The following NECAB2 variants were observed in gnomAD, a reference collection of about 807,000 sequenced individuals.
NECAB2 encodes the protein N-terminal EF-hand calcium binding protein 2, also known as N-terminal EF-hand calcium-binding protein 2.
In NECAB2, 68 loss-of-function variants were observed where a neutral mutation model predicts 51.9. The ratio of observed to expected loss-of-function variants is 1.31; its 90% confidence interval spans 1.08 to 1.60. The LOEUF is 1.60. Ranked by LOEUF, NECAB2 falls within the 40% of genes most tolerant of loss-of-function variation. The probability of loss-of-function intolerance (pLI) is 0.00; values close to 1 mark genes in which losing one functional copy is unlikely to be tolerated. For synonymous variants in NECAB2, 329 were observed against 203.5 expected (o/e 1.62, Z -5.25); for missense variants, 854 against 490.3 (o/e 1.74, Z -7.00).
chr16:83,991,084 G>A (rs908513473), intron 6 of NECAB2, among the ~76,000 whole-genome samples: 11 of 151,994 alleles, frequency 7.2e-5, no homozygotes, highest in Non-Finnish European at 1.5e-4. Context: ...CTGGGTTCAA[G>A]CAATTCTCAT....
At chr16:83,976,930 A>G (rs2084418046) in intron 2 of NECAB2, among the ~76,000 whole-genome samples, 1 of 152,200 alleles carries the variant, frequency 6.6e-6, no homozygotes, top group Non-Finnish European at 1.5e-5. Context: ...AAAGTTTAAG[A>G]ATGACTCATT....
rs760728542 is a variant in NECAB2 at position 83,990,634 on chromosome 16, A to C, written c.596+4A>C. 7 of 1,613,818 alleles carry C rather than the reference A, an allele frequency of 4.3e-6. No homozygotes were observed. The African/African-American group carries it at 6.7e-5, about 15-fold the overall frequency. On this transcript the variant is annotated splice_donor_region_variant and intron_variant, in intron 6 of 12. Coordinates refer to ENST00000305202, the MANE Select transcript of NECAB2 (RefSeq NM_019065.3). Reference sequence around the variant, plus strand: ...AGGAACAGACCAGCCAGCTCCGGTGAGTCTCTGAGACCCTGCAGGGTCCCA... The same window carrying C: ...AGGAACAGACCAGCCAGCTCCGGTGCGTCTCTGAGACCCTGCAGGGTCCCA...
upstream of NECAB2, chr16:83,965,722 C>T (rs201931617): frequency 8.7e-6 from 14 of 1,613,616 alleles, no homozygotes; most frequent in Non-Finnish European, 1.1e-5. Flanking sequence ...TCGAGGGTGT[C>T]GAGAAGGTGT....
At chr16:83,979,433 A>C (rs1393318512) in intron 3 of NECAB2, among the ~76,000 whole-genome samples, 2 of 152,180 alleles carry the variant, frequency 1.3e-5, no homozygotes, top group Non-Finnish European at 2.9e-5. Flanking sequence ...GCTGCGGCTG[A>C]GAGAGTCCTG....
intron 6 of NECAB2, among the ~76,000 whole-genome samples, chr16:83,991,346 C>G (rs1376764345): frequency 6.8e-6 from 1 of 147,762 alleles, no homozygotes; most frequent in Non-Finnish European, 1.5e-5. Flanking sequence ...TTTTCTTTTT[C>G]TATTTCCTTT....
intron 5 of NECAB2, 57 bp downstream of exon 5, chr16:83,981,184 C>A: frequency 1.3e-6 from 2 of 1,491,062 alleles, no homozygotes; most frequent in South Asian, 1.1e-5. Context: ...TTCAGTTCCA[C>A]CCTTGCCTAA....
At chr16:83,989,663 G>T (rs1019089924) in intron 5 of NECAB2, among the ~76,000 whole-genome samples, 1 of 152,134 alleles carries the variant, frequency 6.6e-6, no homozygotes. Flanking sequence ...GTCCTTGAGC[G>T]ACGTGGGTAA....
chr16:84,002,569 G>T lies in NECAB2; in HGVS notation c.*223G>T. ...GGTCCTGGTGAAGCCCAAGGTTGAAGGGGGCGGCTTCCTGGAGCCAGCACC... is the reference window on the plus strand; with the variant it reads ...GGTCCTGGTGAAGCCCAAGGTTGAATGGGGCGGCTTCCTGGAGCCAGCACC... On this transcript the variant is annotated 3_prime_UTR_variant, in exon 13 of 13. Transcript: ENST00000305202. The T allele has an allele frequency of 6.5e-6, 4 of 619,810 alleles. No homozygotes were observed. Among genetic ancestry groups the T allele is most frequent in the Non-Finnish European group, 1.1e-5 (4 of 355,162 alleles). The allele number at this position is 619,810 out of a possible 1,614,324, so 38.4% of individuals were successfully genotyped here.
At chr16:83,983,871 C>T (rs2084518529) in intron 5 of NECAB2, among the ~76,000 whole-genome samples, 1 of 152,184 alleles carries the variant, frequency 6.6e-6, no homozygotes, top group Admixed American at 6.5e-5. Context: ...TAGAATTTAT[C>T]CATAACGCTT....
chr16:83,966,553 G>C (rs1270705871), upstream of NECAB2, among the ~76,000 whole-genome samples: 2 of 152,016 alleles, frequency 1.3e-5, no homozygotes, highest in Non-Finnish European at 2.9e-5. Flanking sequence ...GGAGTGGCGG[G>C]TGTGTGCAGG....
At position 83,968,925 on chromosome 16, in the gene NECAB2, C is replaced by G. The variant is rs1277136159; in HGVS notation, c.201+76C>G. The G allele has an allele frequency of 5.0e-5, 47 of 937,150 alleles. No homozygotes were observed. In the East Asian group the frequency reaches 3.1e-3, roughly 63 times the overall value. The allele number at this position is 937,150 out of a possible 1,614,324, so 58.1% of individuals were successfully genotyped here. On this transcript the variant is annotated intron_variant, in intron 1 of 12. Transcript: ENST00000305202. Reference sequence around the variant, plus strand: ...AGCCCCCTCCGCCCCTCGGGCGGACCCCGACGCCGCGACCCGCGAGGCCCT... The same window carrying G: ...AGCCCCCTCCGCCCCTCGGGCGGACGCCGACGCCGCGACCCGCGAGGCCCT...
intron 12 of NECAB2, 35 bp from the exon 13 acceptor site, chr16:84,002,283 C>T (rs924566815): frequency 1.9e-6 from 3 of 1,612,944 alleles, no homozygotes; most frequent in Non-Finnish European, 2.5e-6. Flanking sequence ...CCCACATTCG[C>T]ACTCCTTCCC....
At chr16:83,970,365 C>T (rs1241152699) in intron 1 of NECAB2, among the ~76,000 whole-genome samples, 2 of 152,158 alleles carry the variant, frequency 1.3e-5, no homozygotes, top group African/African-American at 2.4e-5. Flanking sequence ...ATAGGGACCC[C>T]AGTTTTGAGG....
At chr16:83,991,019 T>A (rs926413278) in intron 6 of NECAB2, among the ~76,000 whole-genome samples, 1 of 152,200 alleles carries the variant, frequency 6.6e-6, no homozygotes, top group Admixed American at 6.5e-5. Context: ...AAAGTGTCGC[T>A]CTGTCGCCCA....
chr16:83,983,921 G>A (rs1489217858), intron 5 of NECAB2, among the ~76,000 whole-genome samples: 2 of 150,888 alleles, frequency 1.3e-5, no homozygotes, highest in South Asian at 2.1e-4. Flanking sequence ...GATTTTCATA[G>A]TTATTTTAAG....
upstream of NECAB2, chr16:83,965,260 C>T (rs201120754): frequency 2.0e-5 from 33 of 1,610,436 alleles, no homozygotes; most frequent in African/African-American, 4.3e-4. Flanking sequence ...TGACCAGGAA[C>T]CAGGCCCAGC....
intron 5 of NECAB2, among the ~76,000 whole-genome samples, chr16:83,981,412 G>T (rs1007257736): frequency 2.0e-5 from 3 of 151,626 alleles, no homozygotes; most frequent in African/African-American, 7.3e-5. Flanking sequence ...GCCCTTAAGG[G>T]GTCCCCAGAC....
rs367851399 is a variant in NECAB2, at chr16:83,994,386, C to T, written c.681C>T (p.Leu227=). Residue 227 remains leucine (L), a synonymous_variant, in exon 7 of 13, where the codon CTC becomes CTT. Transcript: ENST00000305202. ...CCGCCTCTGCCCCCAACCACAAGCT[C>T]ATGGCTATGGAACAAGGCAAGACCC... ...PTPASAPNHK[L]MAMEQGKTLP... 6.2e-7 allele frequency: 1 copy of T among 1,614,190 alleles called. No homozygotes were observed. Among genetic ancestry groups the T allele is most frequent in the East Asian group, 2.2e-5 (1 of 44,878 alleles).
intron 6 of NECAB2, among the ~76,000 whole-genome samples, chr16:83,990,994 T>A (rs189575329): frequency 1.5e-4 from 23 of 152,246 alleles, no homozygotes; most frequent in Admixed American, 2.6e-4. Context: ...TTATTTATTT[T>A]TTTGTTTTAG....
Sources: gnomAD v4.1 joint callset for allele counts (sites outside exome capture counted in the v4.1 genomes callset) on GRCh38, gnomAD v4.1.1 for gene constraint, MANE v1.5 for transcripts, NCBI Gene and HGNC (gene_info 2026-07-23, HGNC 2026-07-21) for gene names.